TMEM94: variants seen among roughly 807,000 people sequenced by gnomAD.
The protein encoded by TMEM94 is transmembrane protein 94.
In TMEM94, 81 loss-of-function variants were observed where a neutral mutation model predicts 158.6. The ratio of observed to expected loss-of-function variants is 0.51; its 90% CI spans 0.43 to 0.61. The LOEUF (loss-of-function observed/expected upper bound fraction) is 0.61, where lower values mean the gene tolerates loss of function less well. Among genes scored for constraint, TMEM94 ranks in the 20% least tolerant of loss-of-function variants. TMEM94 has a pLI of 0.00. For synonymous variants in TMEM94, 751 were observed against 730.7 expected, an observed-to-expected ratio of 1.03 and a Z score of -0.45; for missense variants, 1,435 against 1,762.0, an observed-to-expected ratio of 0.81 and a Z score of 3.32.
rs918046409 is a variant in TMEM94 at position 75,456,656 on chromosome 17, G to A, written c.-202G>A. ...AAGCCCCCTTAGAGTTGCCAGTAAC[G>A]GACATGGCTGCGGCCCCCGGAGGAG... On this transcript the variant is annotated 5_prime_UTR_variant, in exon 1 of 32. Coordinates refer to ENST00000314256, the MANE Select transcript of TMEM94 (RefSeq NM_014738.6). 1 of 152,298 alleles carries A rather than the reference G, an allele frequency of 6.6e-6. No homozygotes were observed. Among genetic ancestry groups the A allele is most frequent in the Admixed American group, 6.5e-5 (1 of 15,278 alleles). The allele number at this position is 152,298 out of a possible 1,614,324, so 9.4% of individuals were successfully genotyped here.
chr17:75,471,693 G>A lies in TMEM94; in HGVS notation c.-106-107G>A, dbSNP rs370609972. 7.5e-5 allele frequency: 37 copies of A among 492,236 alleles called. No homozygotes were observed. In the East Asian group the frequency reaches 8.8e-4, roughly 12 times the overall value. The allele number at this position is 492,236 out of a possible 1,614,324, so 30.5% of individuals were successfully genotyped here. A position where few individuals can be genotyped will look rare whatever the true frequency, so the allele number is the denominator to read the frequency against. ...CGCGCCACTGCACTCCAGCCTGGGCGACAGAGTGAGACTCCGTCTCAAAAA... is the reference window on the plus strand; with the variant it reads ...CGCGCCACTGCACTCCAGCCTGGGCAACAGAGTGAGACTCCGTCTCAAAAA... On this transcript the variant is annotated intron_variant, in intron 1 of 31. Coordinates refer to ENST00000314256, the MANE Select transcript of TMEM94 (RefSeq NM_014738.6).
chr17:75,487,110 T>C lies in TMEM94; in HGVS notation c.409+684T>C, dbSNP rs1567944274. Among the ~76,000 whole-genome samples, 1 of 152,206 alleles carries C rather than the reference T, an allele frequency of 6.6e-6. No individual in the cohort carries two copies. The highest frequency in any genetic ancestry group is 1.5e-5 in the Non-Finnish European group (1 of 68,034). ...GTTCTGAGATGGTTAATTGCCACCA[T>C]GTGCCAGGCACTGGGAGTGCAATGG... On this transcript the variant is annotated intron_variant, in intron 5 of 31. Transcript: ENST00000314256. This position sits in a 1 kb window ranked among gnomAD's most constrained non-coding sequence, Gnocchi z 4.6.
intron 4 of TMEM94, 46 bp from the exon 5 acceptor site, chr17:75,486,244 C>G: frequency 6.2e-7 from 1 of 1,609,144 alleles, no homozygotes; most frequent in Non-Finnish European, 8.5e-7. Context: ...GCTGGGTGGG[C>G]GAGCCCTCAC....
In TMEM94 at chr17:75,489,001, G is replaced by A; in HGVS notation, c.764+91G>A. 7.1e-7 allele frequency: 1 copy of A among 1,402,400 alleles called. No individual in the cohort carries two copies. Among genetic ancestry groups the A allele is most frequent in the East Asian group, 2.3e-5 (1 of 43,454 alleles). 86.9% of individuals were successfully genotyped at this position (1,402,400 alleles called of 1,614,324 possible). A position where few individuals can be genotyped will look rare whatever the true frequency, so the allele number is the denominator to read the frequency against. ...AAGGAAGGGGCCCCGTTCATCTCGA[G>A]GTTCTCTTGAGGGCAGGCATCTCCT... is the stretch of plus-strand genomic sequence containing the variant. On this transcript the variant is annotated intron_variant, in intron 7 of 31. Coordinates refer to ENST00000314256, the MANE Select transcript of TMEM94 (RefSeq NM_014738.6). The surrounding 1 kb of genome is among the most constrained non-coding windows in gnomAD (Gnocchi z 5.0).
At position 75,485,708 on chromosome 17, in the gene TMEM94, C is replaced by T; in HGVS notation, c.144+161C>T. 2 of 1,322,050 alleles carry T rather than the reference C, an allele frequency of 1.5e-6. No homozygotes were observed. Among genetic ancestry groups the T allele is most frequent in the South Asian group, 1.4e-5 (1 of 69,906 alleles). 81.9% of individuals were successfully genotyped at this position (1,322,050 alleles called of 1,614,324 possible). A position where few individuals can be genotyped will look rare whatever the true frequency, so the allele number is the denominator to read the frequency against. On this transcript the variant is annotated intron_variant, in intron 3 of 31. Coordinates refer to ENST00000314256, the MANE Select transcript of TMEM94 (RefSeq NM_014738.6). The surrounding 1 kb of genome is among the most constrained non-coding windows in gnomAD (Gnocchi z 5.5). Reference sequence around the variant, plus strand: ...GAAGCCAAGGTTCCCCTCAGAGTGGCTCCTGAGCCTGCTTGCTGCAGGAGC... The same window carrying T: ...GAAGCCAAGGTTCCCCTCAGAGTGGTTCCTGAGCCTGCTTGCTGCAGGAGC...
chr17:75,494,652 G>A lies in TMEM94; in HGVS notation c.2433G>A (p.Lys811=). The change falls in exon 19 of 32, where the codon AAG becomes AAA. Residue 811 remains lysine, a synonymous_variant. Transcript: ENST00000314256. ...AAGGGATCGGGGAGGTGCTGGAGAAGGAAGACTGCATGCAGGCCCTGAGCG... is the reference window on the plus strand; with the variant it reads ...AAGGGATCGGGGAGGTGCTGGAGAAAGAAGACTGCATGCAGGCCCTGAGCG... ...SDEGIGEVLE[K]EDCMQALSGQ... 6.2e-7 allele frequency: 1 copy of A among 1,613,724 alleles called. No individual in the cohort carries two copies.
At chr17:75,476,831 TGA>T in intron 2 of TMEM94, 2 of 1,522,378 alleles carry the variant, frequency 1.3e-6, no homozygotes, top group Non-Finnish European at 1.8e-6. Context: ...GCGGTTGCTG[TGA>T]GAGTCCTGAA....
chr17:75,468,647 C>T (rs534811075), intron 1 of TMEM94, among the ~76,000 whole-genome samples: 88 of 152,288 alleles, frequency 5.8e-4, no homozygotes, highest in Non-Finnish European at 1.0e-3. Flanking sequence ...GCTGGCTCAG[C>T]TTTGAAAGGC....
intron 1 of TMEM94, among the ~76,000 whole-genome samples, chr17:75,461,514 A>T (rs890536224): frequency 2.0e-5 from 3 of 152,188 alleles, no homozygotes; most frequent in African/African-American, 7.2e-5. Context: ...GAATTTTTTT[A>T]AAAAGTATAT....
intron 2 of TMEM94, among the ~76,000 whole-genome samples, chr17:75,472,506 A>G (rs1047384697): frequency 6.6e-6 from 1 of 152,218 alleles, no homozygotes; most frequent in Non-Finnish European, 1.5e-5. Context: ...CCCCAGAGGA[A>G]GTCCTTTTGT....
intron 26 of TMEM94, 149 bp from the exon 27 acceptor site, chr17:75,497,632 G>C (rs2052847151): frequency 1.1e-5 from 7 of 635,450 alleles, no homozygotes; most frequent in Admixed American, 1.0e-4. Flanking sequence ...GGGATTACAG[G>C]TGTGAGCCAC....
chr17:75,471,508 G>A (rs2050501838), intron 1 of TMEM94, among the ~76,000 whole-genome samples: 1 of 152,006 alleles, frequency 6.6e-6, no homozygotes, highest in Non-Finnish European at 1.5e-5. Flanking sequence ...ATCACTTGAG[G>A]TCAGGAGTTT....
chr17:75,471,093 C>T lies in TMEM94; in HGVS notation c.-106-707C>T, dbSNP rs143661327. Among the ~76,000 whole-genome samples the T allele has an allele frequency of 5.5e-3, 830 of 150,952 alleles. 8 individuals are homozygous for T. The highest frequency in any genetic ancestry group is 0.019 in the African/African-American group (763 of 41,118). On this transcript the variant is annotated intron_variant, in intron 1 of 31. Coordinates refer to ENST00000314256, the MANE Select transcript of TMEM94 (RefSeq NM_014738.6). ...CTTTACTAAAAATACAAAAATTAGC[C>T]GGGCGTGGTGGCAAGTGCCTGTGAT...
chr17:75,492,135 A>C lies in TMEM94; in HGVS notation c.1596+235A>C. 2 of 864,504 alleles carry C rather than the reference A, an allele frequency of 2.3e-6. No individual in the cohort carries two copies. The highest frequency in any genetic ancestry group is 1.7e-6 in the Non-Finnish European group (1 of 579,142). 53.6% of individuals were successfully genotyped at this position (864,504 alleles called of 1,614,324 possible). On this transcript the variant is annotated intron_variant, in intron 14 of 31. Coordinates refer to ENST00000314256, the MANE Select transcript of TMEM94 (RefSeq NM_014738.6). The surrounding 1 kb of genome is among the most constrained non-coding windows in gnomAD (Gnocchi z 4.4). ...CGCAATCACTGGTGTCCCTACTGGA[A>C]CCTTCCAAATATACACAGCCCGGAG... is the stretch of plus-strand genomic sequence containing the variant.
intron 2 of TMEM94, among the ~76,000 whole-genome samples, chr17:75,475,190 C>T (rs551473212): frequency 6.6e-6 from 1 of 152,320 alleles, no homozygotes; most frequent in East Asian, 1.9e-4. Context: ...AGCTGACCCC[C>T]ACTGCCAACC....
Position 75,488,827 on chromosome 17 carries a change from G to T in TMEM94, c.681G>T (p.Arg227=), listed in dbSNP as rs1245257419. 3 of 1,612,880 alleles carry T rather than the reference G, an allele frequency of 1.9e-6. No homozygotes were observed. In the African/African-American group the frequency reaches 4.0e-5, roughly 22 times the overall value. The change falls in exon 7 of 32, where the codon CGG becomes CGT. Residue 227 remains arginine (R), a synonymous_variant. Transcript: ENST00000314256. ...FPPFSPPPSP[R]GEVERGPQSP... ...CCTTCTCCCCTCCACCCTCACCCCGGGGAGAAGTGGAGAGAGGGCCACAGA... is the reference window on the plus strand; with the variant it reads ...CCTTCTCCCCTCCACCCTCACCCCGTGGAGAAGTGGAGAGAGGGCCACAGA...
chr17:75,495,430 C>G lies in TMEM94; in HGVS notation c.2844+31C>G. On this transcript the variant is annotated intron_variant, in intron 21 of 31. Transcript: ENST00000314256. This position sits in a 1 kb window ranked among gnomAD's most constrained non-coding sequence, Gnocchi z 5.6. ...ATGGCAGGATCTGTCTCACGTGTTCCTGTAGTGGTCCCATAGCTGGTCCAG... is the reference window on the plus strand; with the variant it reads ...ATGGCAGGATCTGTCTCACGTGTTCGTGTAGTGGTCCCATAGCTGGTCCAG... 6.2e-7 allele frequency: 1 copy of G among 1,600,006 alleles called. No homozygotes were observed. The highest frequency in any genetic ancestry group is 8.6e-7 in the Non-Finnish European group (1 of 1,167,804).
chr17:75,459,089 T>C (rs893164948), intron 1 of TMEM94, among the ~76,000 whole-genome samples: 26 of 142,478 alleles, frequency 1.8e-4, no homozygotes, highest in African/African-American at 6.3e-4. Context: ...CAAAAACAAA[T>C]AAAATGTAGA....
At position 75,492,446 on chromosome 17, in the gene TMEM94, C is replaced by T; in HGVS notation, c.1597-28C>T. ...TGGCTTCCCCACACCCTATCCCGGG[C>T]TGAGGCTCTCCTCCACATTTCCCCC... On this transcript the variant is annotated intron_variant, in intron 14 of 31. Transcript: ENST00000314256. This position sits in a 1 kb window ranked among gnomAD's most constrained non-coding sequence, Gnocchi z 4.4. The T allele has an allele frequency of 6.4e-7, 1 of 1,555,032 alleles. No homozygotes were observed. The highest frequency in any genetic ancestry group is 1.4e-5 in the African/African-American group (1 of 73,862).
Sources: allele counts gnomAD v4.1 joint callset (sites outside exome capture counted in the v4.1 genomes callset), GRCh38; gene constraint gnomAD v4.1.1; non-coding constraint Gnocchi (gnomAD v3.1); transcripts MANE v1.5; gene names NCBI Gene and HGNC (gene_info 2026-07-23, HGNC 2026-07-21).